Variants in SPOCD1 observed in about 807,000 individuals in gnomAD.
SPOCD1 encodes SPOC domain containing 1.
A neutral mutation model predicts 92.2 loss-of-function variants in SPOCD1; 64 were observed. The observed-to-expected ratio is 0.69, with a 90% CI of 0.57 to 0.86. SPOCD1 has a LOEUF of 0.86. Ranked by LOEUF, SPOCD1 falls within the 40% of genes least tolerant of loss-of-function variation. SPOCD1 has a pLI of 0.00. For synonymous variants in SPOCD1, 578 were observed against 619.3 expected (o/e 0.93, Z 0.99); for missense variants, 1,360 against 1,543.1 (o/e 0.88, Z 1.99).
At position 31,793,844 on chromosome 1, in the gene SPOCD1, C is replaced by G; in HGVS notation, c.2437G>C (p.Gly813Arg). 6.2e-7 allele frequency: 1 copy of G among 1,614,168 alleles called. No individual in the cohort carries two copies. Among genetic ancestry groups the G allele is most frequent in the Non-Finnish European group, 8.5e-7 (1 of 1,180,016 alleles). The change falls in exon 12 of 16, where the codon GGG becomes CGG. Residue 813 changes from glycine to arginine, a missense_variant. Around this residue, in one of 3 missense-constraint regions of SPOCD1, gnomAD observed 614 missense variants for 757.8 expected, o/e 0.81. Transcript: ENST00000360482. The part of the protein sequence containing the change: ...LGSFEAAKSC[G>R]DNIFQKALSQ... ...AGGGCTTTCTGGAAGATATTGTCCC[C>G]GCAGCTCTTGGCGGCTTCGAAGGAG...
chr1:31,812,473 C>A (rs1649268938), intron 2 of SPOCD1, among the ~76,000 whole-genome samples: 2 of 152,170 alleles, frequency 1.3e-5, no homozygotes, highest in Admixed American at 1.3e-4. Context: ...ACGGAACTTA[C>A]AAAACCAAGC....
chr1:31,804,849 T>C (rs1219772734), intron 2 of SPOCD1, among the ~76,000 whole-genome samples: 7 of 151,998 alleles, frequency 4.6e-5, no homozygotes, highest in Non-Finnish European at 7.4e-5. Flanking sequence ...AACACACAAA[T>C]TGGAAAGGTA....
chr1:31,801,123 T>C (rs954718372), intron 3 of SPOCD1, among the ~76,000 whole-genome samples: 5 of 152,162 alleles, frequency 3.3e-5, no homozygotes, highest in African/African-American at 1.2e-4. Context: ...TGCTGATCAC[T>C]CCCCTATTGC....
intron 9 of SPOCD1, among the ~76,000 whole-genome samples, chr1:31,797,667 G>A (rs116042265): frequency 0.014 from 2,196 of 152,226 alleles, 60 homozygotes; most frequent in African/African-American, 0.05. Context: ...TCTCTCACTG[G>A]GCCACCAACA....
Position 31,790,678 on chromosome 1 carries a change from A to G in SPOCD1, c.3576T>C (p.Pro1192=), listed in dbSNP as rs61735951. Residue 1192 remains proline, a synonymous_variant, in exon 16 of 16, where the codon CCT becomes CCC. Coordinates refer to ENST00000360482, the MANE Select transcript of SPOCD1 (RefSeq NM_144569.7). ...CCAAAGAGGAGTCACGGGCTGGGCC[A>G]GGGGGCTCTGGAGCTGCAAGGGCGC... ...LSSALAAPEP[P]GPARDSSLGP... is the part of the protein sequence containing the mutation. The G allele has an allele frequency of 4.8e-5, 74 of 1,551,762 alleles. No homozygotes were observed. Among genetic ancestry groups the G allele is most frequent in the Non-Finnish European group, 6.1e-5 (70 of 1,147,076 alleles).
At chr1:31,807,460 GATAGGTC>G (rs1250305616) in intron 2 of SPOCD1, among the ~76,000 whole-genome samples, 1 of 101,988 alleles carries the variant, frequency 9.8e-6, no homozygotes, top group Non-Finnish European at 2.1e-5. Context: ...TTAAATAACA[GATAGGTC>G]AAAGAAAAAT....
At chr1:31,805,445 G>T (rs963216106) in intron 2 of SPOCD1, among the ~76,000 whole-genome samples, 2 of 152,180 alleles carry the variant, frequency 1.3e-5, no homozygotes, top group African/African-American at 4.8e-5. Context: ...CACAAAACAG[G>T]CCGGGTGCAG....
At chr1:31,807,506 TTGAA>T (rs1389090746) in intron 2 of SPOCD1, among the ~76,000 whole-genome samples, 1 of 146,038 alleles carries the variant, frequency 6.8e-6, no homozygotes, top group Non-Finnish European at 1.5e-5. Context: ...AATATTGAGA[TTGAA>T]TGATAAGACT....
At chr1:31,796,743 G>C (rs367771625) in intron 9 of SPOCD1, 28 bp from the exon 10 acceptor site, 1 of 1,613,790 alleles carries the variant, frequency 6.2e-7, no homozygotes, top group East Asian at 2.2e-5. Flanking sequence ...GCCAAGCTGA[G>C]CCCAGTTAGG....
intron 2 of SPOCD1, among the ~76,000 whole-genome samples, chr1:31,806,043 T>C (rs1244321269): frequency 6.6e-6 from 1 of 152,046 alleles, no homozygotes; most frequent in African/African-American, 2.4e-5. Context: ...TAATGATATG[T>C]AGTTTTACCA....
At chr1:31,803,834 G>A (rs1648636420) in intron 2 of SPOCD1, among the ~76,000 whole-genome samples, 1 of 150,568 alleles carries the variant, frequency 6.6e-6, no homozygotes, top group South Asian at 2.1e-4. Context: ...GGAGGAGGAG[G>A]AGGGAAAGAA....
In SPOCD1 at chr1:31,790,922, CA is replaced by C; in HGVS notation, c.3331del (p.Trp1111GlyfsTer16). On this transcript the variant is annotated frameshift_variant, in exon 16 of 16. Coordinates refer to ENST00000360482, the MANE Select transcript of SPOCD1 (RefSeq NM_144569.7). LOFTEE classifies it low-confidence loss of function (END_TRUNC). ...ENWQHPGRGQ[W>X]PPEPGLRQSQ... ...CTGGCGCAAGCCTGGCTCTGGGGGC[CA>C]CTGCCCTCGCCCAGGATGCTGCCAG... The C allele has an allele frequency of 1.3e-6, 2 of 1,581,048 alleles. No homozygotes were observed. The highest frequency in any genetic ancestry group is 1.7e-6 in the Non-Finnish European group (2 of 1,164,440).
At chr1:31,795,359 T>G (rs115915558) in intron 10 of SPOCD1, 1 of 152,192 alleles carries the variant, frequency 6.6e-6, no homozygotes, top group Non-Finnish European at 1.5e-5. Context: ...GTGACCTTGG[T>G]GCCAGGTTCC....
At chr1:31,791,641 C>G (rs1012280376) in intron 15 of SPOCD1, among the ~76,000 whole-genome samples, 3 of 152,234 alleles carry the variant, frequency 2.0e-5, no homozygotes, top group Non-Finnish European at 2.9e-5. Context: ...AGAGGCCGAG[C>G]TCGGCCCCCC....
At chr1:31,800,731 C>T (rs1037049505) in intron 3 of SPOCD1, 114 bp from the exon 4 acceptor site, 5 of 948,746 alleles carry the variant, frequency 5.3e-6, no homozygotes, top group South Asian at 1.7e-5. Context: ...AGTGTAAGCT[C>T]CGTGAGGATA....
intron 2 of SPOCD1, among the ~76,000 whole-genome samples, chr1:31,807,221 C>T (rs906031403): frequency 1.0e-4 from 15 of 147,734 alleles, no homozygotes; most frequent in Non-Finnish European, 2.2e-4. Context: ...ACTCCATCTC[C>T]GTGCTAAAAA....
chr1:31,799,782 G>A (rs1427260400), intron 6 of SPOCD1, 27 bp downstream of exon 6: 72 of 1,612,994 alleles, frequency 4.5e-5, no homozygotes, highest in Non-Finnish European at 6.1e-5. Context: ...TCTGGAAGCA[G>A]AAGAGGCTCC....
At chr1:31,809,474 C>T (rs1332717901) in intron 2 of SPOCD1, among the ~76,000 whole-genome samples, 1 of 151,386 alleles carries the variant, frequency 6.6e-6, no homozygotes, top group African/African-American at 2.4e-5. Flanking sequence ...GGAGATACCC[C>T]ATATGTACCA....
rs769296757 is a variant in SPOCD1 at position 31,800,045 on chromosome 1, C to T, written c.1699G>A (p.Asp567Asn). 5.0e-6 allele frequency: 8 copies of T among 1,611,024 alleles called. No individual in the cohort carries two copies. The highest frequency in any genetic ancestry group is 1.7e-4 in the Middle Eastern group (1 of 6,014). The change falls in exon 5 of 16, where the codon GAC becomes AAC. Residue 567 changes from aspartate (D) to asparagine (N), a missense_variant. Physicochemically the swap from Asp to Asn is conservative, Grantham distance 23. Coordinates refer to ENST00000360482, the MANE Select transcript of SPOCD1 (RefSeq NM_144569.7). ...PPRSGSLALG[D>N]PSSDPACSQS... Reference sequence around the variant, plus strand: ...GAACATGCAGGGTCCGAGCTGGGGTCGCCAAGGGCCAGGGAACCGCTTCTT... The same window carrying T: ...GAACATGCAGGGTCCGAGCTGGGGTTGCCAAGGGCCAGGGAACCGCTTCTT...
Sources: allele counts gnomAD v4.1 joint callset (sites outside exome capture counted in the v4.1 genomes callset), GRCh38; gene constraint gnomAD v4.1.1; regional missense constraint gnomAD v4.1.1; transcripts MANE v1.5; gene names NCBI Gene and HGNC (gene_info 2026-07-23, HGNC 2026-07-21).